The following SLC5A4 variants were observed in gnomAD, a reference collection of about 807,000 sequenced individuals.
SLC5A4 encodes solute carrier family 5 member 4.
A neutral mutation model predicts 70.3 loss-of-function variants in SLC5A4; 55 were observed. The ratio of observed to expected loss-of-function variants is 0.78; its 90% CI spans 0.63 to 0.98. SLC5A4 has a LOEUF of 0.98. Among genes scored for constraint, SLC5A4 ranks in the 50% least tolerant of loss-of-function variants. The pLI, the probability that SLC5A4 is intolerant of heterozygous loss-of-function variation, is 0.00. For missense variants in SLC5A4, 735 were observed against 839.2 expected (o/e 0.88, Z 1.53); for synonymous variants, 268 against 305.7 (o/e 0.88, Z 1.29).
the SLC5A4 span, among the ~76,000 whole-genome samples, chr22:32,305,734 G>A: frequency 1.5e-5 from 2 of 129,676 alleles, no homozygotes; most frequent in African/African-American, 6.0e-5. Context: ...ATTAAAGGTG[G>A]TTACTCTGTC....
At chr22:32,330,363 G>A in the SLC5A4 span, among the ~76,000 whole-genome samples, 1 of 44,436 alleles carries the variant, frequency 2.3e-5, no homozygotes, top group Non-Finnish European at 4.1e-5. Context: ...GCTCTGTGTT[G>A]GGGACTGGTG....
the SLC5A4 span, among the ~76,000 whole-genome samples, chr22:32,339,786 C>T: frequency 7.2e-5 from 11 of 152,208 alleles, no homozygotes; most frequent in African/African-American, 2.2e-4. Context: ...TGCCTGGTAG[C>T]CCACGAAGGG....
At chr22:32,265,994 C>T in the SLC5A4 span, among the ~76,000 whole-genome samples, 2 of 152,066 alleles carry the variant, frequency 1.3e-5, no homozygotes, top group Non-Finnish European at 2.9e-5. Context: ...GGGAGGACAA[C>T]AGAGAAAGGA....
the SLC5A4 span, among the ~76,000 whole-genome samples, chr22:32,269,026 G>A: frequency 6.6e-6 from 1 of 152,094 alleles, no homozygotes; most frequent in Non-Finnish European, 1.5e-5. This position sits in a 1 kb window ranked among gnomAD's most constrained non-coding sequence, Gnocchi z 4.1. Context: ...CTGAGTAGCT[G>A]GGACTGCAGG....
chr22:32,289,997 C>T, the SLC5A4 span, among the ~76,000 whole-genome samples: 2 of 152,024 alleles, frequency 1.3e-5, no homozygotes, highest in African/African-American at 2.4e-5. Context: ...GTATGATTGG[C>T]GTGGTTTCTA....
At chr22:32,291,824 A>G in the SLC5A4 span, among the ~76,000 whole-genome samples, 5 of 147,622 alleles carry the variant, frequency 3.4e-5, no homozygotes, top group Admixed American at 3.4e-4. Context: ...TTTTATATAT[A>G]TGTGTGTGTG....
the SLC5A4 span, among the ~76,000 whole-genome samples, chr22:32,263,101 A>G: frequency 1.3e-5 from 2 of 148,228 alleles, no homozygotes; most frequent in African/African-American, 5.0e-5. Flanking sequence ...TACCACTGTC[A>G]ACCAGGCTGG....
chr22:32,302,660 G>C, the SLC5A4 span, among the ~76,000 whole-genome samples: 72,834 of 151,916 alleles, frequency 0.48, 17,618 homozygotes, highest in Admixed American at 0.51. Context: ...TAAGTTCTCT[G>C]TTCTGTTCCA....
chr22:32,350,407 C>A, the SLC5A4 span, among the ~76,000 whole-genome samples: 2 of 152,132 alleles, frequency 1.3e-5, no homozygotes, highest in Non-Finnish European at 2.9e-5. Context: ...AGCTCATGGC[C>A]CCCTTAGAGC....
intron 8 of SLC5A4, 125 bp downstream of exon 8, chr22:32,234,748 A>G: frequency 1.3e-6 from 1 of 768,044 alleles, no homozygotes. Flanking sequence ...GACTCTTTAA[A>G]CGATGTGTGT....
intron 5 of SLC5A4, among the ~76,000 whole-genome samples, chr22:32,240,289 T>C (rs1466405982): frequency 6.6e-6 from 1 of 151,876 alleles, no homozygotes; most frequent in East Asian, 1.9e-4. Context: ...GGTCTAACCA[T>C]AAAAAAAGGA....
the SLC5A4 span, among the ~76,000 whole-genome samples, chr22:32,306,320 C>T: frequency 8.3e-6 from 1 of 120,044 alleles, no homozygotes; most frequent in African/African-American, 3.2e-5. Context: ...AAAAAATTAG[C>T]CAGGTGTGGT....
At chr22:32,274,949 C>A in the SLC5A4 span, among the ~76,000 whole-genome samples, 1 of 152,190 alleles carries the variant, frequency 6.6e-6, no homozygotes. Context: ...GAAAGCTCAG[C>A]TTCCCTATTC....
chr22:32,233,193 A>C (rs193158080), intron 8 of SLC5A4, among the ~76,000 whole-genome samples, 159 bp from the exon 9 acceptor site: 213 of 152,344 alleles, frequency 1.4e-3, no homozygotes, highest in African/African-American at 4.6e-3. Flanking sequence ...CACTATTCAC[A>C]ATAGCCAACA....
At chr22:32,339,154 C>T in the SLC5A4 span, among the ~76,000 whole-genome samples, 1 of 152,138 alleles carries the variant, frequency 6.6e-6, no homozygotes, top group African/African-American at 2.4e-5. Flanking sequence ...CGCGCAAAAG[C>T]AGGTGTGCAT....
the SLC5A4 span, among the ~76,000 whole-genome samples, chr22:32,331,749 G>C: frequency 6.6e-6 from 1 of 152,128 alleles, no homozygotes; most frequent in African/African-American, 2.4e-5. Flanking sequence ...GCGGAGGGCA[G>C]GACACGCAGC....
the SLC5A4 span, among the ~76,000 whole-genome samples, chr22:32,354,031 C>T: frequency 6.6e-6 from 1 of 151,286 alleles, no homozygotes; most frequent in Non-Finnish European, 1.5e-5. Flanking sequence ...GCAAGGTAGC[C>T]CCCGATAGCG....
the SLC5A4 span, among the ~76,000 whole-genome samples, chr22:32,330,766 ATGTGTTGGGGGCTCTGGTGTG>A: frequency 7.8e-4 from 24 of 30,718 alleles, no homozygotes; most frequent in African/African-American, 2.2e-3. Flanking sequence ...GCTCTGGTGT[ATGTGTTGGGGGCTCTGGTGTG>A]TGTGTTGGGG....
intron 5 of SLC5A4, among the ~76,000 whole-genome samples, chr22:32,239,324 G>T (rs1363351816): frequency 6.6e-6 from 1 of 150,752 alleles, no homozygotes; most frequent in Non-Finnish European, 1.5e-5. Context: ...CTCAGTTGAG[G>T]TGCTTATTAA....
Sources: allele counts gnomAD v4.1 joint callset (sites outside exome capture counted in the v4.1 genomes callset), GRCh38; gene constraint gnomAD v4.1.1; non-coding constraint Gnocchi (gnomAD v3.1); transcripts MANE v1.5; gene names NCBI Gene and HGNC (gene_info 2026-07-23, HGNC 2026-07-21).